ZAN: variants seen among roughly 807,000 people sequenced by gnomAD.
ZAN encodes zonadhesin.
ZAN carries 260 observed loss-of-function variants against 286.2 expected under a neutral mutation model. The observed-to-expected ratio is 0.91, with a 90% CI of 0.82 to 1.01. The LOEUF (loss-of-function observed/expected upper bound fraction) is 1.01, where lower values mean the gene tolerates loss of function less well. Ranked by LOEUF, ZAN falls within the 50% of genes least tolerant of loss-of-function variation. The pLI is 0.00. For missense variants in ZAN, 3,410 were observed against 3,639.2 expected, an observed-to-expected ratio of 0.94 and a Z score of 1.62; for synonymous variants, 1,368 against 1,417.5, an observed-to-expected ratio of 0.97 and a Z score of 0.79.
At chr7:100,743,181 G>A (rs1407821377) in intron 7 of ZAN, among the ~76,000 whole-genome samples, 1 of 151,596 alleles carries the variant, frequency 6.6e-6, no homozygotes, top group Non-Finnish European at 1.5e-5. Flanking sequence ...GCGTCACCAT[G>A]CCCAGTTAAT....
Position 100,775,438 on chromosome 7 carries a change from G to A in ZAN, c.5890G>A (p.Ala1964Thr), listed in dbSNP as rs771814609. The change falls in exon 32 of 48, where the codon GCC (alanine) becomes ACC (threonine). Residue 1964 changes from alanine to threonine, a missense_variant. Ala to Thr is a moderately conservative substitution (Grantham distance 58, BLOSUM62 0). Coordinates refer to ENST00000613979, the MANE Select transcript of ZAN (RefSeq NM_003386.3). ...TLVLVKVCHP[A>T]MALPFFKISA... is the part of the protein sequence containing the mutation. ...TGTCCTGGTGAAAGTGTGCCACCCC[G>A]CCATGGCCTTGCCCTTCTTCAAGAT... is the stretch of plus-strand genomic sequence containing the variant. 1.4e-5 allele frequency: 22 copies of A among 1,613,770 alleles called. No homozygotes were observed. The highest frequency in any genetic ancestry group is 1.6e-4 in the Middle Eastern group (1 of 6,084).
chr7:100,764,941 C>T (rs1035266464), intron 22 of ZAN, among the ~76,000 whole-genome samples: 1 of 152,140 alleles, frequency 6.6e-6, no homozygotes, highest in Non-Finnish European at 1.5e-5. Flanking sequence ...GGTACAGGCC[C>T]TAGGCAGGGG....
chr7:100,759,875 G>T, intron 18 of ZAN, 30 bp downstream of exon 18: 1 of 1,605,488 alleles, frequency 6.2e-7, no homozygotes, highest in Non-Finnish European at 8.5e-7. Context: ...CACCATCCTT[G>T]CAGGGTCTGA....
chr7:100,786,179 C>G (rs764314100), intron 37 of ZAN, 38 bp downstream of exon 37: 9 of 1,611,366 alleles, frequency 5.6e-6, no homozygotes, highest in Middle Eastern at 1.7e-4. Context: ...GAGGGGAGCA[C>G]CTGTGGCCAG....
intron 34 of ZAN, among the ~76,000 whole-genome samples, 173 bp downstream of exon 34, chr7:100,776,737 T>TTTTTTTG (rs1810840525): frequency 8.7e-6 from 1 of 115,354 alleles, no homozygotes. Context: ...TTTTTTTTTT[T>TTTTTTTG]TTTTTTGAGA....
rs907534121 is a variant in ZAN at position 100,734,719 on chromosome 7, G to A, written c.53+498G>A. On this transcript the variant is annotated intron_variant, in intron 2 of 47. Transcript: ENST00000613979. ...CTGCTGAACAGGAATTAAGGGGCGGGTTCTGGGAGCGGGACAGGGCTACAA... is the reference window on the plus strand; with the variant it reads ...CTGCTGAACAGGAATTAAGGGGCGGATTCTGGGAGCGGGACAGGGCTACAA... Among the ~76,000 whole-genome samples, 26 of 140,870 alleles carry A rather than the reference G, an allele frequency of 1.8e-4. 7 individuals are homozygous for A. The highest frequency in any genetic ancestry group is 3.7e-4 in the Non-Finnish European group (23 of 62,986). 92.4% of individuals were successfully genotyped at this position (140,870 alleles called of 152,430 possible). A position where few individuals can be genotyped will look rare whatever the true frequency, so the allele number is the denominator to read the frequency against.
intron 25 of ZAN, 115 bp downstream of exon 25, chr7:100,767,372 C>T: frequency 6.9e-7 from 1 of 1,443,452 alleles, no homozygotes; most frequent in Non-Finnish European, 9.2e-7. Context: ...ACCTGGGAAG[C>T]ACCTGCAGCT....
chr7:100,757,015 G>T (rs575331007), intron 15 of ZAN, among the ~76,000 whole-genome samples: 3 of 152,166 alleles, frequency 2.0e-5, no homozygotes, highest in Non-Finnish European at 1.5e-5. Context: ...CGATCCGCCC[G>T]CCTCAGCCTT....
chr7:100,757,919 TAAA>T (rs76692637), intron 15 of ZAN, among the ~76,000 whole-genome samples: 2 of 104,992 alleles, frequency 1.9e-5, no homozygotes, highest in Admixed American at 1.0e-4. Flanking sequence ...TCCAAAACGT[TAAA>T]AAAAAAAAAA....
intron 15 of ZAN, among the ~76,000 whole-genome samples, chr7:100,755,664 C>T (rs529820798): frequency 7.9e-5 from 12 of 152,254 alleles, no homozygotes; most frequent in African/African-American, 1.4e-4. Flanking sequence ...CTCCACTTCC[C>T]GGGCTCCAGT....
intron 12 of ZAN, 36 bp from the exon 13 acceptor site, chr7:100,751,146 G>T: frequency 6.6e-7 from 1 of 1,520,744 alleles, no homozygotes; most frequent in Non-Finnish European, 8.9e-7. Flanking sequence ...ATTCATTTTT[G>T]TTTCTCTCTC....
Position 100,752,643 on chromosome 7 carries a change from C to T in ZAN, c.2538C>T (p.Pro846=), listed in dbSNP as rs1334643673. The T allele has an allele frequency of 6.2e-7, 1 of 1,612,446 alleles. No homozygotes were observed. Among genetic ancestry groups the T allele is most frequent in the Non-Finnish European group, 8.5e-7 (1 of 1,179,366 alleles). Residue 846 remains proline (P), a synonymous_variant, in exon 14 of 48, where the codon CCC becomes CCT. Coordinates refer to ENST00000613979, the MANE Select transcript of ZAN (RefSeq NM_003386.3). ...TCTCTACAGAAAAACTCACCATCCCCATGGAAAAACCCACCATCTCCACAG... is the reference window on the plus strand; with the variant it reads ...TCTCTACAGAAAAACTCACCATCCCTATGGAAAAACCCACCATCTCCACAG... ...TTISTEKLTI[P]MEKPTISTEK...
chr7:100,750,092 A>ACACT (rs1554399882), intron 11 of ZAN, among the ~76,000 whole-genome samples: 4 of 149,676 alleles, frequency 2.7e-5, no homozygotes, highest in African/African-American at 7.4e-5. Context: ...ACACACACAC[A>ACACT]CACACACGAC....
At chr7:100,782,385 G>A (rs976339379) in intron 35 of ZAN, among the ~76,000 whole-genome samples, 3 of 152,160 alleles carry the variant, frequency 2.0e-5, no homozygotes, top group East Asian at 1.9e-4. Flanking sequence ...CCAGGCTGCA[G>A]TGGCACGATC....
rs553535662 is a variant in ZAN at position 100,779,042 on chromosome 7, C to G, written c.6318-404C>G. Among the ~76,000 whole-genome samples, 80 of 150,240 alleles carry G rather than the reference C, an allele frequency of 5.3e-4. No individual in the cohort carries two copies. In the South Asian group the frequency reaches 7.0e-3, roughly 13 times the overall value. On this transcript the variant is annotated intron_variant, in intron 34 of 47. Coordinates refer to ENST00000613979, the MANE Select transcript of ZAN (RefSeq NM_003386.3). ...AGTGGGACCTTGTCTCCAGATAAAC[C>G]AAAACCAAAAATTAGCTAGGCATGG...
chr7:100,790,326 G>A (rs909481860), intron 39 of ZAN, among the ~76,000 whole-genome samples: 16 of 151,946 alleles, frequency 1.1e-4, no homozygotes, highest in African/African-American at 3.6e-4. Flanking sequence ...ACTTTGGGAG[G>A]CCGAGGCAGG....
rs1168583856 is a variant in ZAN, at chr7:100,773,496, G to A, written c.5634+3G>A. 1.4e-5 allele frequency: 23 copies of A among 1,612,802 alleles called. No homozygotes were observed. Among genetic ancestry groups the A allele is most frequent in the Non-Finnish European group, 1.4e-5 (17 of 1,179,594 alleles). The stretch of plus-strand genomic sequence containing the variant: ...ACCCAGCGGGCTCCTACCACCCGGT[G>A]AGAGGCCAGCTAGGAGGGGCCCCGC... On this transcript the variant is annotated splice_donor_region_variant and intron_variant, in intron 30 of 47. Coordinates refer to ENST00000613979, the MANE Select transcript of ZAN (RefSeq NM_003386.3).
chr7:100,787,553 C>A (rs759094506), intron 37 of ZAN, among the ~76,000 whole-genome samples: 42 of 151,534 alleles, frequency 2.8e-4, no homozygotes, highest in Middle Eastern at 3.4e-3. Context: ...CCTTCTCAGT[C>A]TTTTGTTTTG....
At chr7:100,796,765 G>C (rs962474358) in intron 45 of ZAN, among the ~76,000 whole-genome samples, 1 of 152,142 alleles carries the variant, frequency 6.6e-6, no homozygotes, top group African/African-American at 2.4e-5. Flanking sequence ...AGTGACTCCA[G>C]GGCTACTCTT....
Sources: gnomAD v4.1 joint callset for allele counts (sites outside exome capture counted in the v4.1 genomes callset) on GRCh38, gnomAD v4.1.1 for gene constraint, MANE v1.5 for transcripts, NCBI Gene and HGNC (gene_info 2026-07-23, HGNC 2026-07-21) for gene names.